The following PLCZ1 variants were observed in gnomAD, a reference collection of about 807,000 sequenced individuals.
PLCZ1 encodes 1-phosphatidylinositol 4,5-bisphosphate phosphodiesterase zeta-1.
In PLCZ1, 64 loss-of-function variants were observed where a neutral mutation model predicts 76.8. That is an observed-to-expected ratio of 0.83 (90% CI 0.68 to 1.03). The LOEUF (loss-of-function observed/expected upper bound fraction) is 1.03. PLCZ1 is among the 50% of genes least tolerant of loss of function. The pLI, the probability that PLCZ1 is intolerant of heterozygous loss-of-function variation, is 0.00. For synonymous variants in PLCZ1, 248 were observed against 230.8 expected (o/e 1.07, Z -0.68); for missense variants, 751 against 713.7 (o/e 1.05, Z -0.60).
At chr12:18,731,163 T>C (rs1343897871) in intron 3 of PLCZ1, 1 of 152,100 alleles carries the variant, frequency 6.6e-6, no homozygotes, top group Non-Finnish European at 1.5e-5. Context: ...CAATTCTCCA[T>C]AGGTCTCTCG....
At chr12:18,652,183 C>T in the PLCZ1 span, among the ~76,000 whole-genome samples, 14 of 152,090 alleles carry the variant, frequency 9.2e-5, no homozygotes, top group African/African-American at 3.4e-4. Context: ...AAAAAGGTTA[C>T]TAAAGATGTA....
intron 12 of PLCZ1, among the ~76,000 whole-genome samples, chr12:18,689,201 C>T (rs575726637): frequency 6.6e-6 from 1 of 152,104 alleles, no homozygotes; most frequent in African/African-American, 2.4e-5. Flanking sequence ...ACTATAGACC[C>T]GCTAAATATC....
chr12:18,737,882 GGGCTGC>G, intron 1 of PLCZ1, 44 bp downstream of exon 1: 1 of 280,296 alleles, frequency 3.6e-6, no homozygotes, highest in Non-Finnish European at 6.7e-6. Context: ...TTGAAACTTT[GGGCTGC>G]TTCTCTAGAT....
the PLCZ1 span, chr12:18,648,234 G>A: frequency 3.2e-6 from 1 of 316,354 alleles, no homozygotes; most frequent in Non-Finnish European, 5.8e-6. Flanking sequence ...CTCCTTCAGT[G>A]GAGTACTGAT....
chr12:18,734,346 G>T (rs911268566), intron 3 of PLCZ1, among the ~76,000 whole-genome samples: 2 of 151,516 alleles, frequency 1.3e-5, no homozygotes, highest in Non-Finnish European at 2.9e-5. Context: ...AGTTGTTTTT[G>T]TTGTTGTTGT....
At chr12:18,660,978 C>A in the PLCZ1 span, among the ~76,000 whole-genome samples, 1 of 151,786 alleles carries the variant, frequency 6.6e-6, no homozygotes, top group East Asian at 1.9e-4. Flanking sequence ...CAAATGAAGC[C>A]AAAATGAAAT....
chr12:18,735,906 A>C (rs144948839), intron 3 of PLCZ1: 128 of 181,082 alleles, frequency 7.1e-4, no homozygotes, highest in African/African-American at 3.0e-3. Flanking sequence ...CTTATTCTCC[A>C]CTCTTTTTAT....
chr12:18,705,096 G>A, intron 7 of PLCZ1, 70 bp downstream of exon 7: 2 of 1,566,306 alleles, frequency 1.3e-6, no homozygotes, highest in Non-Finnish European at 1.8e-6. Context: ...CAGTTTCACA[G>A]GCCAATATAA....
At chr12:18,690,089 C>A (rs987975686) in intron 12 of PLCZ1, among the ~76,000 whole-genome samples, 4 of 152,108 alleles carry the variant, frequency 2.6e-5, no homozygotes, top group Admixed American at 6.6e-5. Flanking sequence ...AATAAAAGAG[C>A]ACATATGTTC....
At chr12:18,719,772 TTTATG>T (rs1249649504) in intron 4 of PLCZ1, 140 bp from the exon 5 acceptor site, 1 of 497,436 alleles carries the variant, frequency 2.0e-6, no homozygotes, top group East Asian at 3.5e-5. Context: ...TAATACTATA[TTTATG>T]TTGTTTGGAA....
chr12:18,682,577 A>G (rs1056173801), downstream of PLCZ1, among the ~76,000 whole-genome samples: 7 of 152,108 alleles, frequency 4.6e-5, no homozygotes, highest in Admixed American at 2.6e-4. Context: ...TATATTTAGT[A>G]TAGATTCAGA....
rs1343040339 is a variant in PLCZ1 at position 18,696,139 on chromosome 12, A to T, written c.1291+11T>A. 7.6e-7 allele frequency: 1 copy of T among 1,313,934 alleles called. No individual in the cohort carries two copies. Among genetic ancestry groups the T allele is most frequent in the Non-Finnish European group, 1.1e-6 (1 of 912,336 alleles). The allele number at this position is 1,313,934 out of a possible 1,614,324, so 81.4% of individuals were successfully genotyped here. On this transcript the variant is annotated intron_variant, in intron 11 of 14. Transcript: ENST00000266505. Reference sequence around the variant, plus strand: ...ACTTCTGCAAACAACTCAATATCGTATATAACATACCCATTTGACAACCTA... The same window carrying T: ...ACTTCTGCAAACAACTCAATATCGTTTATAACATACCCATTTGACAACCTA...
the PLCZ1 span, among the ~76,000 whole-genome samples, chr12:18,660,141 A>G: frequency 6.6e-6 from 1 of 152,130 alleles, no homozygotes; most frequent in African/African-American, 2.4e-5. Flanking sequence ...TGCACCTTCC[A>G]GGAGAGGACC....
intron 5 of PLCZ1, chr12:18,715,906 T>C (rs963124997): frequency 2.0e-5 from 3 of 152,204 alleles, no homozygotes; most frequent in Non-Finnish European, 4.4e-5. Context: ...TCTTAACTAA[T>C]TGTCTTTGTA....
At chr12:18,687,572 C>T (rs2137077846) in intron 13 of PLCZ1, among the ~76,000 whole-genome samples, 1 of 152,196 alleles carries the variant, frequency 6.6e-6, no homozygotes, top group South Asian at 2.1e-4. Context: ...AAAGTTATTT[C>T]CCTTAATTCT....
At chr12:18,666,302 C>T in the PLCZ1 span, among the ~76,000 whole-genome samples, 124 of 151,956 alleles carry the variant, frequency 8.2e-4, 1 homozygote, top group East Asian at 3.9e-4. Context: ...GCATATTTGG[C>T]AAAATGCATT....
chr12:18,737,528 A>G lies in PLCZ1; in HGVS notation c.-138-19T>C. 1 of 982,914 alleles carries G rather than the reference A, an allele frequency of 1.0e-6. No individual in the cohort carries two copies. The highest frequency in any genetic ancestry group is 1.5e-6 in the Non-Finnish European group (1 of 665,546). The allele number at this position is 982,914 out of a possible 1,614,324, so 60.9% of individuals were successfully genotyped here. On this transcript the variant is annotated intron_variant, in intron 1 of 14. Transcript: ENST00000266505. ...CACTTTTCTAGGGAGAAAGCAGAGAACACACAGTGGTTTTTTTTGCCTTCG... is the reference window on the plus strand; with the variant it reads ...CACTTTTCTAGGGAGAAAGCAGAGAGCACACAGTGGTTTTTTTTGCCTTCG...
intron 3 of PLCZ1, among the ~76,000 whole-genome samples, chr12:18,728,657 A>T (rs1483366195): frequency 1.3e-5 from 2 of 152,250 alleles, no homozygotes; most frequent in South Asian, 2.1e-4. Flanking sequence ...ATAAAAAGGG[A>T]TAAGTGAAAT....
intron 3 of PLCZ1, among the ~76,000 whole-genome samples, chr12:18,725,041 T>C (rs1592271990): frequency 1.3e-5 from 2 of 152,198 alleles, no homozygotes; most frequent in South Asian, 2.1e-4. Flanking sequence ...GAATTGGAGA[T>C]ATAAGTCCAA....
Sources: allele counts gnomAD v4.1 joint callset (sites outside exome capture counted in the v4.1 genomes callset), GRCh38; gene constraint gnomAD v4.1.1; transcripts MANE v1.5; gene names NCBI Gene and HGNC (gene_info 2026-07-23, HGNC 2026-07-21).